The following PCDHB12 variants were observed in gnomAD, a reference collection of about 807,000 sequenced individuals.
The protein encoded by PCDHB12 is protocadherin beta-12.
For missense variants in PCDHB12, 1,192 were observed against 998.2 expected (o/e 1.19, Z -2.62); for synonymous variants, 560 against 445.2 (o/e 1.26, Z -3.24).
In PCDHB12 at chr5:141,211,615, A is replaced by T. The variant is rs1226595298; in HGVS notation, c.*320A>T. On this transcript the variant is annotated 3_prime_UTR_variant, in exon 1 of 1. Coordinates refer to ENST00000239450, the MANE Select transcript of PCDHB12 (RefSeq NM_018932.4). ...GTGACTTTTGTTTTCTGAGTTGATT[A>T]GAATGCTGTTCGAGTATACCTACCC... is the stretch of plus-strand genomic sequence containing the variant. 8 of 360,178 alleles carry T rather than the reference A, an allele frequency of 2.2e-5. No homozygotes were observed. Among genetic ancestry groups the T allele is most frequent in the Non-Finnish European group, 4.3e-5 (8 of 186,504 alleles). The allele number at this position is 360,178 out of a possible 1,614,324, so 22.3% of individuals were successfully genotyped here. A position where few individuals can be genotyped will look rare whatever the true frequency, so the allele number is the denominator to read the frequency against.
In PCDHB12 at chr5:141,210,720, C is replaced by G. The variant is rs782206219; in HGVS notation, c.1813C>G (p.Gln605Glu). ...DSGQNAWLSY[Q>E]LLKATEPGLF... ...GGGCCAGAACGCCTGGCTGTCGTACCAGCTGCTCAAGGCCACGGAGCCCGG... is the reference window on the plus strand; with the variant it reads ...GGGCCAGAACGCCTGGCTGTCGTACGAGCTGCTCAAGGCCACGGAGCCCGG... The change falls in exon 1 of 1, where the codon CAG (glutamine) becomes GAG (glutamate). Residue 605 changes from glutamine (Q) to glutamate (E), a missense_variant. Physicochemically the swap from Gln to Glu is conservative, Grantham distance 29. Coordinates refer to ENST00000239450, the MANE Select transcript of PCDHB12 (RefSeq NM_018932.4). 7.5e-6 allele frequency: 12 copies of G among 1,608,514 alleles called. No individual in the cohort carries two copies. Among genetic ancestry groups the G allele is most frequent in the Non-Finnish European group, 9.3e-6 (11 of 1,179,550 alleles).
rs527485800 is a variant in PCDHB12 at position 141,210,211 on chromosome 5, A to G, written c.1304A>G (p.His435Arg). The G allele has an allele frequency of 3.1e-6, 5 of 1,614,226 alleles. No individual in the cohort carries two copies. In the African/African-American group the frequency reaches 6.7e-5, roughly 22 times the overall value. Residue 435 changes from histidine (H) to arginine (R), a missense_variant, in exon 1 of 1, where the codon CAC becomes CGC. Coordinates refer to ENST00000239450, the MANE Select transcript of PCDHB12 (RefSeq NM_018932.4). ...DLGTPRLKTE[H>R]NITVLVSDVN... ...GGGACCCCCAGGCTAAAAACCGAGC[A>G]CAACATAACCGTGCTGGTCTCCGAC...
chr5:141,210,373 C>T lies in PCDHB12; in HGVS notation c.1466C>T (p.Ser489Leu), dbSNP rs781861532. 1.2e-6 allele frequency: 2 copies of T among 1,612,896 alleles called. No individual in the cohort carries two copies. Among genetic ancestry groups the T allele is most frequent in the Non-Finnish European group, 1.7e-6 (2 of 1,180,056 alleles). Residue 489 changes from serine to leucine, a missense_variant, in exon 1 of 1, where the codon TCG (serine) becomes TTG (leucine). Transcript: ENST00000239450. ...GGCACCAACGCCCAGGTCAACTACT[C>T]GCTGCTGCCGTCCCAGGACCCGCAC... is the stretch of plus-strand genomic sequence containing the variant. ...DSGTNAQVNYSLLPSQDPHLP... is the reference protein window; with the variant it reads ...DSGTNAQVNYLLLPSQDPHLP...
chr5:141,210,441 C>T lies in PCDHB12; in HGVS notation c.1534C>T (p.His512Tyr). Residue 512 changes from histidine (H) to tyrosine (Y), a missense_variant, in exon 1 of 1, where the codon CAC becomes TAC. Transcript: ENST00000239450. ...SLVSINADNG[H>Y]LFALRSLDYE... ...GGTCTCCATCAACGCGGACAACGGC[C>T]ACCTGTTTGCCCTCAGGTCGCTGGA... 1 of 1,613,044 alleles carries T rather than the reference C, an allele frequency of 6.2e-7. No individual in the cohort carries two copies. The highest frequency in any genetic ancestry group is 1.3e-5 in the African/African-American group (1 of 75,034).
chr5:141,209,931 G>A lies in PCDHB12; in HGVS notation c.1024G>A (p.Asp342Asn). 1.9e-6 allele frequency: 3 copies of A among 1,614,148 alleles called. No individual in the cohort carries two copies. Among genetic ancestry groups the A allele is most frequent in the South Asian group, 1.1e-5 (1 of 91,074 alleles). Residue 342 changes from aspartate to asparagine, a missense_variant, in exon 1 of 1, where the codon GAC becomes AAC. Asp to Asn is a conservative substitution (Grantham distance 23, BLOSUM62 1). Coordinates refer to ENST00000239450, the MANE Select transcript of PCDHB12 (RefSeq NM_018932.4). ...CAGAATTCAGGTGATGGATGTAAACGACAACGCTCCTGAAATCACTGTGTC... is the reference window on the plus strand; with the variant it reads ...CAGAATTCAGGTGATGGATGTAAACAACAACGCTCCTGAAATCACTGTGTC... ...TVRIQVMDVN[D>N]NAPEITVSSI...
At position 141,211,444 on chromosome 5, in the gene PCDHB12, AT is replaced by A; in HGVS notation, c.*152del. ...TTTCTTTACATAGAAAAGGATACAGATTTAGTACCAAGAACACTTCACAAAG... is the reference window on the plus strand; with the variant it reads ...TTTCTTTACATAGAAAAGGATACAGATTAGTACCAAGAACACTTCACAAAG... On this transcript the variant is annotated 3_prime_UTR_variant, in exon 1 of 1. Transcript: ENST00000239450. 1.2e-6 allele frequency: 1 copy of A among 866,930 alleles called. No homozygotes were observed. Among genetic ancestry groups the A allele is most frequent in the Non-Finnish European group, 1.9e-6 (1 of 533,042 alleles). 53.7% of individuals were successfully genotyped at this position (866,930 alleles called of 1,614,324 possible).
Position 141,211,007 on chromosome 5 carries a change from C to G in PCDHB12, c.2100C>G (p.Leu700=). The part of the protein sequence containing the change: ...LVVALASVSS[L]FLFSVLLFVA... The stretch of plus-strand genomic sequence containing the variant: ...TGGCGTTGGCCTCAGTGTCGTCGCT[C>G]TTCCTCTTCTCGGTGCTCCTGTTCG... Residue 700 remains leucine (L), a synonymous_variant, in exon 1 of 1, where the codon CTC becomes CTG. Coordinates refer to ENST00000239450, the MANE Select transcript of PCDHB12 (RefSeq NM_018932.4). The G allele has an allele frequency of 6.2e-7, 1 of 1,611,820 alleles. No homozygotes were observed. Among genetic ancestry groups the G allele is most frequent in the Non-Finnish European group, 8.5e-7 (1 of 1,179,908 alleles).
rs1458701944 is a variant in PCDHB12 at position 141,211,640 on chromosome 5, C to T, written c.*345C>T. 3.3e-6 allele frequency: 1 copy of T among 300,268 alleles called. No individual in the cohort carries two copies. Among genetic ancestry groups the T allele is most frequent in the East Asian group, 9.5e-5 (1 of 10,490 alleles). 18.6% of individuals were successfully genotyped at this position (300,268 alleles called of 1,614,324 possible). ...AGAATGCTGTTCGAGTATACCTACC[C>T]TAGTTTCAGAAGCATAGATTGTAGT... On this transcript the variant is annotated 3_prime_UTR_variant, in exon 1 of 1. Coordinates refer to ENST00000239450, the MANE Select transcript of PCDHB12 (RefSeq NM_018932.4).
In PCDHB12 at chr5:141,211,145, C is replaced by G; in HGVS notation, c.2238C>G (p.Ser746=). 7 of 1,614,172 alleles carry G rather than the reference C, an allele frequency of 4.3e-6. No homozygotes were observed. Among genetic ancestry groups the G allele is most frequent in the Non-Finnish European group, 5.9e-6 (7 of 1,180,036 alleles). The part of the protein sequence containing the change: ...LVDVSGTGTL[S]QSYHYEVCVT... ...ACGTGAGTGGCACCGGGACCCTGTC[C>G]CAGAGCTACCACTATGAGGTGTGTG... Residue 746 remains serine, a synonymous_variant, in exon 1 of 1, where the codon TCC becomes TCG. Transcript: ENST00000239450.
In PCDHB12 at chr5:141,211,142, G is replaced by A. The variant is rs138741761; in HGVS notation, c.2235G>A (p.Leu745=). The change falls in exon 1 of 1, where the codon CTG becomes CTA. Residue 745 remains leucine (L), a synonymous_variant. Transcript: ENST00000239450. ...TGGACGTGAGTGGCACCGGGACCCT[G>A]TCCCAGAGCTACCACTATGAGGTGT... The part of the protein sequence containing the change: ...HLVDVSGTGT[L]SQSYHYEVCV... 544 of 1,614,184 alleles carry A rather than the reference G, an allele frequency of 3.4e-4. 3 individuals carry two copies. The African/African-American group carries it at 5.5e-3, about 16-fold the overall frequency.
rs782008174 is a variant in PCDHB12 at position 141,211,095 on chromosome 5, G to T, written c.2188G>T (p.Gly730Cys). 22 of 1,613,914 alleles carry T rather than the reference G, an allele frequency of 1.4e-5. No individual in the cohort carries two copies. In the African/African-American group the frequency reaches 2.3e-4, roughly 17 times the overall value. ...APVGRCSVPE[G>C]PFPGHLVDVS... is the part of the protein sequence containing the mutation. ...GGTCGGTCGCTGCTCGGTGCCTGAGGGCCCCTTTCCAGGACATCTGGTGGA... is the reference window on the plus strand; with the variant it reads ...GGTCGGTCGCTGCTCGGTGCCTGAGTGCCCCTTTCCAGGACATCTGGTGGA... Residue 730 changes from glycine to cysteine, a missense_variant, in exon 1 of 1, where the codon GGC (glycine) becomes TGC (cysteine). Transcript: ENST00000239450.
At position 141,209,407 on chromosome 5, in the gene PCDHB12, T is replaced by C; in HGVS notation, c.500T>C (p.Val167Ala). The change falls in exon 1 of 1, where the codon GTA (valine) becomes GCA (alanine). Residue 167 changes from valine to alanine, a missense_variant. Transcript: ENST00000239450. ...GATTTAGATGTAGGAATCAATGCTG[T>C]AAAAAGCTACACAATAAATCCGAAC... is the stretch of plus-strand genomic sequence containing the variant. ...AKDLDVGINAVKSYTINPNSH... is the reference protein window; with the variant it reads ...AKDLDVGINAAKSYTINPNSH... 1 of 1,614,226 alleles carries C rather than the reference T, an allele frequency of 6.2e-7. No individual in the cohort carries two copies. The highest frequency in any genetic ancestry group is 1.1e-5 in the South Asian group (1 of 91,082).
chr5:141,208,961 TG>T lies in PCDHB12; in HGVS notation c.55del (p.Val19PhefsTer17), dbSNP rs1254009501. On this transcript the variant is annotated frameshift_variant, in exon 1 of 1. Transcript: ENST00000239450. LOFTEE classifies it low-confidence loss of function (END_TRUNC). ...AGATAAGGCAAGTCCTGCTTTTCTTTGTTTTGCTGGGAATGTCTCAGGCGGG... is the reference window on the plus strand; with the variant it reads ...AGATAAGGCAAGTCCTGCTTTTCTTTTTTTGCTGGGAATGTCTCAGGCGGG... ...LQIRQVLLFF[V>X]LLGMSQAGSE... The T allele has an allele frequency of 6.4e-7, 1 of 1,561,222 alleles. No homozygotes were observed. The highest frequency in any genetic ancestry group is 2.2e-5 in the East Asian group (1 of 44,516).
At position 141,209,482 on chromosome 5, in the gene PCDHB12, CT is replaced by C; in HGVS notation, c.576del (p.Glu193SerfsTer2). On this transcript the variant is annotated frameshift_variant, in exon 1 of 1. Coordinates refer to ENST00000239450, the MANE Select transcript of PCDHB12 (RefSeq NM_018932.4). LOFTEE classifies it low-confidence loss of function (END_TRUNC). ...IRVNPDNRKY[P>X]ELVLDKALDY... ...GTCAATCCAGACAATAGGAAATACC[CT>C]GAGTTAGTTCTGGACAAGGCGCTGG... is the stretch of plus-strand genomic sequence containing the variant. 1 of 1,614,174 alleles carries C rather than the reference CT, an allele frequency of 6.2e-7. No individual in the cohort carries two copies. Among genetic ancestry groups the C allele is most frequent in the Non-Finnish European group, 8.5e-7 (1 of 1,180,034 alleles).
In PCDHB12 at chr5:141,209,733, G is replaced by A. The variant is rs1554286731; in HGVS notation, c.826G>A (p.Glu276Lys). The A allele has an allele frequency of 6.2e-7, 1 of 1,614,190 alleles. No individual in the cohort carries two copies. The highest frequency in any genetic ancestry group is 1.7e-5 in the Admixed American group (1 of 60,028). Reference protein sequence around the residue: ...AWDLDSGTNSELSYTFSHASE... With the variant: ...AWDLDSGTNSKLSYTFSHASE... ...GGATTTAGACTCTGGAACAAACAGT[G>A]AACTATCCTATACCTTTTCCCATGC... Residue 276 changes from glutamate (E) to lysine (K), a missense_variant, in exon 1 of 1, where the codon GAA becomes AAA. Physicochemically the swap from Glu to Lys is moderately conservative, Grantham distance 56. Coordinates refer to ENST00000239450, the MANE Select transcript of PCDHB12 (RefSeq NM_018932.4).
At position 141,211,222 on chromosome 5, in the gene PCDHB12, C is replaced by T. The variant is rs1754455041; in HGVS notation, c.2315C>T (p.Pro772Leu). ...TTCAAATTTCTGAAACCAATTATCC[C>T]CAACTTCCTACCCCAGAGCACAGGT... ...NKFKFLKPII[P>L]NFLPQSTGSE... The change falls in exon 1 of 1, where the codon CCC (proline) becomes CTC (leucine). Residue 772 changes from proline to leucine, a missense_variant. Pro to Leu is a moderately conservative substitution (Grantham distance 98). Transcript: ENST00000239450. The T allele has an allele frequency of 6.2e-7, 1 of 1,613,934 alleles. No homozygotes were observed. The highest frequency in any genetic ancestry group is 8.5e-7 in the Non-Finnish European group (1 of 1,179,948).
In PCDHB12 at chr5:141,209,207, G is replaced by C. The variant is rs1554286615; in HGVS notation, c.300G>C (p.Glu100Asp). ...LDREELCGSN[E>D]PCVLYFQVLM... The stretch of plus-strand genomic sequence containing the variant: ...GGGAGGAGCTCTGTGGCTCCAATGA[G>C]CCTTGTGTGCTGTATTTCCAAGTGT... Residue 100 changes from glutamate to aspartate, a missense_variant, in exon 1 of 1, where the codon GAG becomes GAC. Physicochemically the swap from Glu to Asp is conservative, Grantham distance 45 (BLOSUM62 2). Coordinates refer to ENST00000239450, the MANE Select transcript of PCDHB12 (RefSeq NM_018932.4). 1.2e-6 allele frequency: 2 copies of C among 1,614,160 alleles called. No individual in the cohort carries two copies. The highest frequency in any genetic ancestry group is 3.3e-5 in the Admixed American group (2 of 60,020).
In PCDHB12 at chr5:141,209,669, T is replaced by C. The variant is rs1554286711; in HGVS notation, c.762T>C (p.Asn254=). 3 of 1,614,200 alleles carry C rather than the reference T, an allele frequency of 1.9e-6. No homozygotes were observed. Among genetic ancestry groups the C allele is most frequent in the South Asian group, 2.2e-5 (2 of 91,082 alleles). ...QAFYEVKILE[N]SILGSLVVTV... ...TTTATGAGGTGAAGATTCTGGAGAA[T>C]AGCATCCTTGGCTCCCTGGTTGTGA... The change falls in exon 1 of 1, where the codon AAT becomes AAC. Residue 254 remains asparagine (N), a synonymous_variant. Transcript: ENST00000239450.
Position 141,210,119 on chromosome 5 carries a change from AAC to A in PCDHB12, c.1214_1215del (p.Thr405ArgfsTer41). ...CGGTAAATAATTACTACACTTTGGA[AAC>A]AGAGAGACCGCTGGACAGAGAGAGC... The part of the protein sequence containing the change: ...SSVNNYYTLE[T>X]ERPLDRESRA... On this transcript the variant is annotated frameshift_variant, in exon 1 of 1. Coordinates refer to ENST00000239450, the MANE Select transcript of PCDHB12 (RefSeq NM_018932.4). LOFTEE classifies it low-confidence loss of function (END_TRUNC). The A allele has an allele frequency of 6.2e-7, 1 of 1,614,168 alleles. No homozygotes were observed.
Sources: allele counts gnomAD v4.1 joint callset, GRCh38; gene constraint gnomAD v4.1.1; transcripts MANE v1.5; gene names NCBI Gene and HGNC (gene_info 2026-07-23, HGNC 2026-07-21).